EGLN1: variants seen among roughly 807,000 people sequenced by gnomAD.
The protein encoded by EGLN1 is egl nine homolog 1.
A neutral mutation model predicts 38.3 loss-of-function variants in EGLN1; 17 were observed. The ratio of observed to expected loss-of-function variants is 0.44; its 90% CI spans 0.30 to 0.67. EGLN1 has a LOEUF of 0.67. Ranked by LOEUF, EGLN1 falls within the 30% of genes least tolerant of loss-of-function variation. EGLN1 has a pLI of 0.08. For missense variants in EGLN1, 477 were observed against 603.3 expected (o/e 0.79, Z 2.19); for synonymous variants, 283 against 257.5 (o/e 1.10, Z -0.95).
At chr1:231,393,416 G>C (rs911339512) in intron 1 of EGLN1, among the ~76,000 whole-genome samples, 1 of 152,230 alleles carries the variant, frequency 6.6e-6, no homozygotes, top group African/African-American at 2.4e-5. Flanking sequence ...TGGAATCGGA[G>C]AGATCTAGTT....
In EGLN1 at chr1:231,396,084, T is replaced by C. The variant is rs571242732; in HGVS notation, c.892-21985A>G. ...AATGTCTTTTAGTTCCAATCCTAAT[T>C]AACCCTCTCTATAGTGTTTGGTACT... On this transcript the variant is annotated intron_variant, in intron 1 of 4. Coordinates refer to ENST00000366641, the MANE Select transcript of EGLN1 (RefSeq NM_022051.3). Among the ~76,000 whole-genome samples the C allele has an allele frequency of 2.3e-3, 350 of 151,814 alleles. 3 individuals carry two copies. Among genetic ancestry groups the C allele is most frequent in the African/African-American group, 8.2e-3 (338 of 41,470 alleles).
intron 1 of EGLN1, among the ~76,000 whole-genome samples, chr1:231,387,341 G>A (rs111430218): frequency 6.6e-5 from 10 of 150,742 alleles, no homozygotes; most frequent in African/African-American, 2.4e-4. Context: ...TTTGGCCCTA[G>A]ATGCAACCTA....
intron 3 of EGLN1, among the ~76,000 whole-genome samples, chr1:231,369,101 A>T (rs193222040): frequency 6.6e-6 from 1 of 152,206 alleles, no homozygotes. Flanking sequence ...TCAGAATAGG[A>T]TTCTACTTCA....
chr1:231,380,521 A>G (rs1156599926), intron 1 of EGLN1, among the ~76,000 whole-genome samples: 1 of 152,104 alleles, frequency 6.6e-6, no homozygotes, highest in African/African-American at 2.4e-5. Context: ...AAAATTAGAA[A>G]AATGCTATTA....
chr1:231,421,318 G>C lies in EGLN1; in HGVS notation c.571C>G (p.Leu191Val). The change falls in exon 1 of 5, where the codon CTG becomes GTG. Residue 191 changes from leucine to valine, a missense_variant. Transcript: ENST00000366641. The surrounding 1 kb of genome is among the most constrained non-coding windows in gnomAD (Gnocchi z 5.5). ...PNGQTKPLPA[L>V]KLALEYIVPC... The stretch of plus-strand genomic sequence containing the variant: ...ACGATGTACTCGAGCGCCAGCTTCA[G>C]CGCCGGCAGGGGCTTCGTCTGCCCG... 6.2e-7 allele frequency: 1 copy of C among 1,612,396 alleles called. No individual in the cohort carries two copies. The highest frequency in any genetic ancestry group is 8.5e-7 in the Non-Finnish European group (1 of 1,179,666).
intron 1 of EGLN1, among the ~76,000 whole-genome samples, chr1:231,388,280 A>AATTG (rs1360575936): frequency 1.3e-5 from 2 of 151,848 alleles, no homozygotes; most frequent in African/African-American, 2.4e-5. Context: ...TAAGAAAATT[A>AATTG]AGAGGGAAGA....
chr1:231,376,841 G>C (rs2808583), intron 1 of EGLN1, among the ~76,000 whole-genome samples: 82,395 of 151,514 alleles, frequency 0.54, 23,976 homozygotes, highest in Non-Finnish European at 0.65. Flanking sequence ...TCTGAAGAGA[G>C]AGCAATGTGG....
chr1:231,412,011 CAAAAAAAAAAAAAAAAAAAAAAAAAAA>C (rs747472895), intron 1 of EGLN1, among the ~76,000 whole-genome samples: 2 of 33,652 alleles, frequency 5.9e-5, no homozygotes, highest in Non-Finnish European at 1.1e-4. Flanking sequence ...GACTCCATCT[CAAAAAAAAAAAAAAAAAAAAAAAAAAA>C]AAAAAAAAAA....
At chr1:231,399,602 T>C (rs1018634733) in intron 1 of EGLN1, among the ~76,000 whole-genome samples, 2 of 152,040 alleles carry the variant, frequency 1.3e-5, no homozygotes, top group African/African-American at 2.4e-5. Flanking sequence ...TAGAAGCAGG[T>C]GGTAATTTTA....
intron 1 of EGLN1, among the ~76,000 whole-genome samples, chr1:231,400,402 T>C (rs923766865): frequency 6.6e-6 from 1 of 152,174 alleles, no homozygotes; most frequent in Non-Finnish European, 1.5e-5. Context: ...GCCCTGGCAT[T>C]AATGTGATCT....
rs1441933662 is a variant in EGLN1, at chr1:231,421,317, A to G, written c.572T>C (p.Leu191Pro). 3 of 1,612,274 alleles carry G rather than the reference A, an allele frequency of 1.9e-6. No homozygotes were observed. The highest frequency in any genetic ancestry group is 2.5e-6 in the Non-Finnish European group (3 of 1,179,696). Residue 191 changes from leucine (L) to proline (P), a missense_variant, in exon 1 of 5, where the codon CTG (leucine) becomes CCG (proline). By Grantham distance (98) the Leu-to-Pro change is moderately conservative (BLOSUM62 -3). Around this residue, in one of 4 missense-constraint regions of EGLN1, gnomAD observed 298 missense variants for 288.9 expected, o/e 1.03. Coordinates refer to ENST00000366641, the MANE Select transcript of EGLN1 (RefSeq NM_022051.3). This position sits in a 1 kb window ranked among gnomAD's most constrained non-coding sequence, Gnocchi z 5.5. ...PNGQTKPLPA[L>P]KLALEYIVPC... ...CACGATGTACTCGAGCGCCAGCTTC[A>G]GCGCCGGCAGGGGCTTCGTCTGCCC...
intron 3 of EGLN1, among the ~76,000 whole-genome samples, chr1:231,369,155 A>G (rs1687746620): frequency 6.6e-6 from 1 of 152,022 alleles, no homozygotes; most frequent in Non-Finnish European, 1.5e-5. Context: ...TAACTTGAAC[A>G]ACTACGCCTT....
chr1:231,387,330 T>C (rs1300765993), intron 1 of EGLN1, among the ~76,000 whole-genome samples: 1 of 151,756 alleles, frequency 6.6e-6, no homozygotes, highest in Non-Finnish European at 1.5e-5. Context: ...TGTGTTTTTA[T>C]TTTGGCCCTA....
chr1:231,392,798 A>G (rs1230762143), intron 1 of EGLN1, among the ~76,000 whole-genome samples: 2 of 152,060 alleles, frequency 1.3e-5, no homozygotes, highest in Non-Finnish European at 2.9e-5. Flanking sequence ...CACAGGTGAG[A>G]TTTTTCATCC....
chr1:231,421,848 C>A lies in EGLN1; in HGVS notation c.41G>T (p.Ser14Ile). 6.7e-7 allele frequency: 1 copy of A among 1,502,594 alleles called. No homozygotes were observed. Among genetic ancestry groups the A allele is most frequent in the Non-Finnish European group, 8.8e-7 (1 of 1,134,728 alleles). 93.1% of individuals were successfully genotyped at this position (1,502,594 alleles called of 1,614,324 possible). A position where few individuals can be genotyped will look rare whatever the true frequency, so the allele number is the denominator to read the frequency against. The part of the protein sequence containing the change: ...DSGGPGGPSP[S>I]ERDRQYCELC... Reference sequence around the variant, plus strand: ...CTCGCAGTACTGCCGGTCTCGCTCGCTCGGGCTCGGCCCGCCGGGCCCGCC... The same window carrying A: ...CTCGCAGTACTGCCGGTCTCGCTCGATCGGGCTCGGCCCGCCGGGCCCGCC... The change falls in exon 1 of 5, where the codon AGC becomes ATC. Residue 14 changes from serine to isoleucine, a missense_variant. Ser to Ile is a moderately radical substitution (Grantham distance 142). Transcript: ENST00000366641. The surrounding 1 kb of genome is among the most constrained non-coding windows in gnomAD (Gnocchi z 5.5).
chr1:231,394,910 C>A (rs543375077), intron 1 of EGLN1, among the ~76,000 whole-genome samples: 7 of 152,282 alleles, frequency 4.6e-5, no homozygotes, highest in Admixed American at 2.0e-4. Flanking sequence ...GACATTCTTT[C>A]TCCTATATAA....
At chr1:231,400,039 T>C (rs73121510) in intron 1 of EGLN1, among the ~76,000 whole-genome samples, 2,260 of 152,240 alleles carry the variant, frequency 0.015, 69 homozygotes, top group African/African-American at 0.051. Flanking sequence ...AAGAGAATAT[T>C]AATCTATAGG....
chr1:231,381,751 G>A (rs1688084726), intron 1 of EGLN1, among the ~76,000 whole-genome samples: 1 of 151,510 alleles, frequency 6.6e-6, no homozygotes, highest in Non-Finnish European at 1.5e-5. Flanking sequence ...GTCTAGCTCT[G>A]CTGTCAGAAC....
chr1:231,393,774 C>T (rs953235349), intron 1 of EGLN1, among the ~76,000 whole-genome samples: 4 of 152,066 alleles, frequency 2.6e-5, no homozygotes, highest in African/African-American at 9.7e-5. Context: ...TCTGCCTTTC[C>T]CTTTCAGAAA....
Sources: gnomAD v4.1 joint callset for allele counts (sites outside exome capture counted in the v4.1 genomes callset) on GRCh38, gnomAD v4.1.1 for gene constraint, gnomAD v4.1.1 regional missense constraint, Gnocchi (gnomAD v3.1) non-coding constraint, MANE v1.5 for transcripts, NCBI Gene and HGNC (gene_info 2026-07-23, HGNC 2026-07-21) for gene names.